Variants in AUH observed in about 807,000 individuals in gnomAD.
AUH encodes AU RNA binding methylglutaconyl-CoA hydratase, also known as methylglutaconyl-CoA hydratase, mitochondrial.
Under a neutral mutation model 42.3 loss-of-function variants are expected in AUH, and 29 were observed. The observed-to-expected ratio is 0.69, with a 90% CI of 0.51 to 0.93. The LOEUF (loss-of-function observed/expected upper bound fraction) is 0.93. Among genes scored for constraint, AUH ranks in the 40% least tolerant of loss-of-function variants. AUH has a pLI of 0.00. For synonymous variants in AUH, 174 were observed against 166.4 expected (o/e 1.05, Z -0.35); for missense variants, 452 against 438.1 (o/e 1.03, Z -0.28).
chr9:91,354,956 C>T lies in AUH; in HGVS notation c.418+927G>A, dbSNP rs118094498. ...AAAGAACTCAAAATATACATAAAAC[C>T]CTTATAAGCACTCCTACTAAGCAGA... On this transcript the variant is annotated intron_variant, in intron 3 of 9. Transcript: ENST00000375731. Among the ~76,000 whole-genome samples the T allele has an allele frequency of 5.2e-3, 784 of 152,094 alleles. 26 individuals carry two copies. The East Asian group carries it at 0.09, about 18-fold the overall frequency.
At chr9:91,316,206 A>G (rs1055412290) in intron 4 of AUH, among the ~76,000 whole-genome samples, 7 of 152,162 alleles carry the variant, frequency 4.6e-5, no homozygotes, top group Admixed American at 6.5e-5. Flanking sequence ...CCCATTCATG[A>G]GCTAGTCAAG....
chr9:91,327,292 G>A (rs956939482), intron 3 of AUH, among the ~76,000 whole-genome samples: 1 of 152,162 alleles, frequency 6.6e-6, no homozygotes, highest in Non-Finnish European at 1.5e-5. Context: ...TCAAGCCACT[G>A]ACAGTTTAAA....
intron 4 of AUH, among the ~76,000 whole-genome samples, chr9:91,315,787 G>A (rs1829109901): frequency 1.3e-5 from 2 of 151,970 alleles, no homozygotes; most frequent in South Asian, 4.2e-4. Context: ...ACTAACACCT[G>A]TCTGCCACCG....
rs1425461660 is a variant in AUH, at chr9:91,229,596, T to G, written c.656-8604A>C. Among the ~76,000 whole-genome samples, 4 of 151,872 alleles carry G rather than the reference T, an allele frequency of 2.6e-5. No individual in the cohort carries two copies. The East Asian group carries it at 5.8e-4, about 22-fold the overall frequency. On this transcript the variant is annotated intron_variant, in intron 6 of 9. Coordinates refer to ENST00000375731, the MANE Select transcript of AUH (RefSeq NM_001698.3). The stretch of plus-strand genomic sequence containing the variant: ...TTATGTGTGAATTTGATCCTGTCAT[T>G]ATGATGTTAGCTGGTTATTTTGCTC...
At chr9:91,299,870 C>G (rs1210718852) in intron 4 of AUH, among the ~76,000 whole-genome samples, 1 of 152,098 alleles carries the variant, frequency 6.6e-6, no homozygotes, top group Non-Finnish European at 1.5e-5. Flanking sequence ...AACCTCAAGT[C>G]TCACCCGTCA....
intron 9 of AUH, among the ~76,000 whole-genome samples, chr9:91,215,756 G>A (rs1280564783): frequency 6.6e-6 from 1 of 152,138 alleles, no homozygotes; most frequent in Non-Finnish European, 1.5e-5. Context: ...ACATTGCAGT[G>A]GGAGGCCAGG....
intron 6 of AUH, among the ~76,000 whole-genome samples, chr9:91,268,789 T>C (rs1824868900): frequency 6.6e-6 from 1 of 152,138 alleles, no homozygotes; most frequent in Non-Finnish European, 1.5e-5. Flanking sequence ...ATGCCAGTTG[T>C]AACTATTTCC....
At chr9:91,335,751 G>A (rs1252164951) in intron 3 of AUH, among the ~76,000 whole-genome samples, 1 of 152,104 alleles carries the variant, frequency 6.6e-6, no homozygotes, top group Non-Finnish European at 1.5e-5. Context: ...TTCATTTGCT[G>A]AGCTGTAAGT....
At chr9:91,302,208 C>T (rs1827839151) in intron 4 of AUH, among the ~76,000 whole-genome samples, 1 of 152,010 alleles carries the variant, frequency 6.6e-6, no homozygotes, top group South Asian at 2.1e-4. Context: ...TGGCTCATGC[C>T]TGTAATCCCA....
chr9:91,288,443 G>A (rs1209676755), intron 6 of AUH, among the ~76,000 whole-genome samples: 1 of 152,060 alleles, frequency 6.6e-6, no homozygotes, highest in Non-Finnish European at 1.5e-5. Context: ...TGAGAACGTT[G>A]GAGACGAAAC....
chr9:91,277,861 T>C (rs534912199), intron 6 of AUH, among the ~76,000 whole-genome samples: 1 of 152,314 alleles, frequency 6.6e-6, no homozygotes, highest in African/African-American at 2.4e-5. Context: ...AAGGTAGCAA[T>C]ATTACTTTTG....
intron 4 of AUH, among the ~76,000 whole-genome samples, chr9:91,300,213 A>G (rs1477214953): frequency 6.6e-6 from 1 of 151,892 alleles, no homozygotes; most frequent in African/African-American, 2.4e-5. Context: ...CCTCTCAATA[A>G]AAGCTCTTCC....
chr9:91,284,791 A>T (rs565117452), intron 6 of AUH, among the ~76,000 whole-genome samples: 25 of 152,336 alleles, frequency 1.6e-4, no homozygotes, highest in African/African-American at 6.0e-4. Context: ...CATGGTGATT[A>T]TTAAAAAGTC....
In AUH at chr9:91,360,237, G is replaced by A. The variant is rs1832746910; in HGVS notation, c.262+1391C>T. Reference sequence around the variant, plus strand: ...TCCCTTTATATCTAACATATTGTTGGTACACTTAACGGAAGTGAAGTCCCG... The same window carrying A: ...TCCCTTTATATCTAACATATTGTTGATACACTTAACGGAAGTGAAGTCCCG... On this transcript the variant is annotated intron_variant, in intron 1 of 9. Coordinates refer to ENST00000375731, the MANE Select transcript of AUH (RefSeq NM_001698.3). 2 of 152,092 alleles carry A rather than the reference G, an allele frequency of 1.3e-5. 1 individual carries two copies. The highest frequency in any genetic ancestry group is 4.8e-5 in the African/African-American group (2 of 41,400). The allele number at this position is 152,092 out of a possible 1,614,324, so 9.4% of individuals were successfully genotyped here. A position where few individuals can be genotyped will look rare whatever the true frequency, so the allele number is the denominator to read the frequency against.
At chr9:91,340,509 T>C (rs1405269323) in intron 3 of AUH, among the ~76,000 whole-genome samples, 9 of 152,188 alleles carry the variant, frequency 5.9e-5, no homozygotes, top group African/African-American at 1.9e-4. Context: ...ATTATTCAAA[T>C]GAAACTTCAA....
chr9:91,293,490 A>G (rs1827078458), intron 6 of AUH, among the ~76,000 whole-genome samples: 1 of 152,220 alleles, frequency 6.6e-6, no homozygotes, highest in Non-Finnish European at 1.5e-5. Flanking sequence ...TAGCCACAAC[A>G]TTCCCCTAAG....
chr9:91,247,286 G>T (rs1317221428), intron 6 of AUH, among the ~76,000 whole-genome samples: 1 of 152,074 alleles, frequency 6.6e-6, no homozygotes, highest in African/African-American at 2.4e-5. Context: ...GGGTAAGGGG[G>T]GCAGCTAACT....
Position 91,265,655 on chromosome 9 carries a change from TCTGA to T in AUH, c.655+30362_655+30365del, listed in dbSNP as rs774134639. Among the ~76,000 whole-genome samples, 99 of 152,324 alleles carry T rather than the reference TCTGA, an allele frequency of 6.5e-4. 1 individual carries two copies. Among genetic ancestry groups the T allele is most frequent in the Non-Finnish European group, 1.2e-3 (84 of 68,026 alleles). On this transcript the variant is annotated intron_variant, in intron 6 of 9. Coordinates refer to ENST00000375731, the MANE Select transcript of AUH (RefSeq NM_001698.3). Reference sequence around the variant, plus strand: ...TTTACTTGATATGAACAGAAAACAGTCTGACTATCGAGCAGTAGACTCCACAGAA... The same window carrying T: ...TTTACTTGATATGAACAGAAAACAGTCTATCGAGCAGTAGACTCCACAGAA...
At chr9:91,325,264 G>A in intron 4 of AUH, 54 bp downstream of exon 4, 2 of 1,418,860 alleles carry the variant, frequency 1.4e-6, no homozygotes, top group Non-Finnish European at 2.0e-6. Flanking sequence ...CTTTTTAAAT[G>A]TGACATTTAA....
Sources: allele counts gnomAD v4.1 joint callset (sites outside exome capture counted in the v4.1 genomes callset), GRCh38; gene constraint gnomAD v4.1.1; transcripts MANE v1.5; gene names NCBI Gene and HGNC (gene_info 2026-07-23, HGNC 2026-07-21).